NRXN3: variants seen among roughly 807,000 people sequenced by gnomAD.
The protein encoded by NRXN3 is neurexin 3.
In NRXN3, 32 loss-of-function variants were observed where a neutral mutation model predicts 137.6. The observed-to-expected ratio is 0.23, with a 90% CI of 0.18 to 0.31. NRXN3 has a LOEUF of 0.31. NRXN3 is among the 10% of genes least tolerant of loss of function. The probability of loss-of-function intolerance (pLI) is 1.00; values close to 1 mark genes in which losing one functional copy is unlikely to be tolerated. For synonymous variants in NRXN3, 798 were observed against 784.5 expected, an observed-to-expected ratio of 1.02 and a Z score of -0.29; for missense variants, 1,574 against 2,062.5, an observed-to-expected ratio of 0.76 and a Z score of 4.59.
intron 17 of NRXN3, among the ~76,000 whole-genome samples, chr14:79,684,972 A>G (rs116356601): frequency 0.016 from 2,370 of 152,260 alleles, 67 homozygotes; most frequent in African/African-American, 0.053. Flanking sequence ...TGCAGCAAGG[A>G]GGAAATAAGT....
intron 8 of NRXN3, among the ~76,000 whole-genome samples, chr14:78,723,019 G>A (rs758418142): frequency 3.3e-5 from 5 of 152,170 alleles, no homozygotes; most frequent in Non-Finnish European, 5.9e-5. Flanking sequence ...GTGGCATGTA[G>A]GGCTTAAAGA....
At chr14:79,612,387 TCTC>T (rs995596995) in intron 16 of NRXN3, among the ~76,000 whole-genome samples, 25 of 152,212 alleles carry the variant, frequency 1.6e-4, no homozygotes, top group Non-Finnish European at 3.2e-4. Flanking sequence ...TCCAGGGACA[TCTC>T]CTTCCTCTGC....
Position 78,624,809 on chromosome 14 carries a change from T to TTGTG in NRXN3, c.758-20291_758-20288dup, listed in dbSNP as rs56948487. Reference sequence around the variant, plus strand: ...ACTGACCCCTTGACTTCCTGTTCCTTTGTGTGTGTGTGTGTGTGTGTGTTT... The same window carrying TTGTG: ...ACTGACCCCTTGACTTCCTGTTCCTTTGTGTGTGTGTGTGTGTGTGTGTGTGTTT... On this transcript the variant is annotated intron_variant, in intron 4 of 20. Transcript: ENST00000335750. 2.0e-3 allele frequency among the ~76,000 whole-genome samples: 301 copies of TTGTG among 149,368 alleles called. 2 individuals are homozygous for TTGTG. The highest frequency in any genetic ancestry group is 6.6e-3 in the African/African-American group (268 of 40,604).
intron 19 of NRXN3, among the ~76,000 whole-genome samples, chr14:79,765,359 C>T (rs1180002173): frequency 1.3e-5 from 2 of 152,190 alleles, no homozygotes; most frequent in Non-Finnish European, 2.9e-5. Context: ...ATAAAACATC[C>T]TCCCAGTTCT....
At chr14:79,148,429 T>C (rs1899953420) in intron 15 of NRXN3, among the ~76,000 whole-genome samples, 3 of 152,292 alleles carry the variant, frequency 2.0e-5, no homozygotes, top group Admixed American at 6.5e-5. Flanking sequence ...TGTAAGATTA[T>C]TTCAGACTCG....
chr14:78,935,164 T>C (rs2099332377), intron 10 of NRXN3, among the ~76,000 whole-genome samples: 1 of 152,122 alleles, frequency 6.6e-6, no homozygotes, highest in African/African-American at 2.4e-5. Flanking sequence ...CAAACATGGC[T>C]TCCATGACAT....
chr14:79,154,500 T>C (rs1321173483), intron 15 of NRXN3, among the ~76,000 whole-genome samples: 1 of 151,896 alleles, frequency 6.6e-6, no homozygotes, highest in Admixed American at 6.6e-5. Flanking sequence ...CTGGGTCATA[T>C]GTTCTCAAAT....
At chr14:78,873,324 A>G (rs1318841164) in intron 10 of NRXN3, among the ~76,000 whole-genome samples, 2 of 152,048 alleles carry the variant, frequency 1.3e-5, no homozygotes, top group Non-Finnish European at 2.9e-5. Context: ...TTTTTTCACA[A>G]CCATTTTAGT....
At chr14:79,518,603 A>G (rs1455498664) in intron 16 of NRXN3, among the ~76,000 whole-genome samples, 1 of 152,094 alleles carries the variant, frequency 6.6e-6, no homozygotes, top group African/African-American at 2.4e-5. Flanking sequence ...AATAGTAATC[A>G]TTTTCAGTTG....
chr14:79,079,737 C>T (rs1056156368), intron 15 of NRXN3, among the ~76,000 whole-genome samples: 1 of 152,132 alleles, frequency 6.6e-6, no homozygotes, highest in Non-Finnish European at 1.5e-5. Context: ...CACTTGTAAT[C>T]CCAGCATTTT....
chr14:78,488,798 GAGGAGGAGATAA>G (rs2095612075), intron 4 of NRXN3, among the ~76,000 whole-genome samples: 1 of 150,910 alleles, frequency 6.6e-6, no homozygotes, highest in East Asian at 2.0e-4. Context: ...GAGGAGAAGG[GAGGAGGAGATAA>G]AGGAGGAGAG....
chr14:78,915,364 A>AAAAAAAC, intron 10 of NRXN3, among the ~76,000 whole-genome samples: 1 of 148,224 alleles, frequency 6.7e-6, no homozygotes, highest in African/African-American at 2.5e-5. Context: ...AAAAAAAAAA[A>AAAAAAAC]AAAAAAAACC....
At chr14:79,653,200 A>G (rs1800203370) in intron 16 of NRXN3, among the ~76,000 whole-genome samples, 2 of 152,162 alleles carry the variant, frequency 1.3e-5, no homozygotes, top group South Asian at 2.1e-4. Context: ...TTCCCCTTGC[A>G]GGTAAACCGA....
intron 15 of NRXN3, among the ~76,000 whole-genome samples, chr14:79,139,018 T>A (rs1204603743): frequency 6.6e-6 from 1 of 152,218 alleles, no homozygotes; most frequent in African/African-American, 2.4e-5. Context: ...GTGATGCACC[T>A]GTCTTTTCAA....
chr14:79,080,538 C>T (rs1330465800), intron 15 of NRXN3, among the ~76,000 whole-genome samples: 2 of 152,152 alleles, frequency 1.3e-5, no homozygotes, highest in African/African-American at 4.8e-5. Flanking sequence ...ACCACTTTCT[C>T]ACCTCCTTTT....
chr14:78,230,465 G>T (rs2065247479), intron 1 of NRXN3, among the ~76,000 whole-genome samples: 1 of 152,068 alleles, frequency 6.6e-6, no homozygotes, highest in Admixed American at 6.6e-5. Context: ...ACATGGAGGG[G>T]TACAGTTCCT....
chr14:78,294,667 A>T (rs915368522), intron 3 of NRXN3, among the ~76,000 whole-genome samples: 1 of 152,030 alleles, frequency 6.6e-6, no homozygotes, highest in African/African-American at 2.4e-5. Context: ...GTCAAATTTT[A>T]TGATAGGAAA....
chr14:78,620,392 T>G (rs1415921337), intron 4 of NRXN3, among the ~76,000 whole-genome samples: 1 of 152,234 alleles, frequency 6.6e-6, no homozygotes, highest in Non-Finnish European at 1.5e-5. Context: ...TGTTTCTGAT[T>G]TATTCCCCCT....
intron 10 of NRXN3, among the ~76,000 whole-genome samples, chr14:78,878,902 G>C (rs947692161): frequency 1.3e-5 from 2 of 151,818 alleles, no homozygotes; most frequent in Non-Finnish European, 2.9e-5. Flanking sequence ...ACTCTCTCCT[G>C]CTATGAGTTT....
Sources: allele counts gnomAD v4.1 joint callset (sites outside exome capture counted in the v4.1 genomes callset), GRCh38; gene constraint gnomAD v4.1.1; transcripts MANE v1.5; gene names NCBI Gene and HGNC (gene_info 2026-07-23, HGNC 2026-07-21).